Variants in PLSCR2 observed in about 807,000 individuals in gnomAD.
PLSCR2 encodes PL scramblase 2.
A neutral mutation model predicts 25.3 loss-of-function variants in PLSCR2; 18 were observed. That is an observed-to-expected ratio of 0.71 (90% CI 0.49 to 1.06). The LOEUF (loss-of-function observed/expected upper bound fraction) is 1.06. Among genes scored for constraint, PLSCR2 ranks in the 50% least tolerant of loss-of-function variants. PLSCR2 has a pLI of 0.00. For missense variants in PLSCR2, 243 were observed against 269.5 expected (o/e 0.90, Z 0.69); for synonymous variants, 88 against 87.3 (o/e 1.01, Z -0.04).
At chr3:146,479,227 A>G (rs1450327566) in intron 1 of PLSCR2, among the ~76,000 whole-genome samples, 2 of 152,196 alleles carry the variant, frequency 1.3e-5, no homozygotes, top group Non-Finnish European at 2.9e-5. Context: ...GACAGGATCA[A>G]ATTCACACAT....
chr3:146,402,587 C>T (rs967914110), intron 2 of PLSCR2, among the ~76,000 whole-genome samples: 3 of 152,016 alleles, frequency 2.0e-5, no homozygotes, highest in Non-Finnish European at 4.4e-5. Flanking sequence ...CCTGCCTCAG[C>T]CTCCCGAGTA....
At chr3:146,448,226 A>G (rs1313562596) in intron 6 of PLSCR2, among the ~76,000 whole-genome samples, 1 of 152,162 alleles carries the variant, frequency 6.6e-6, no homozygotes, top group African/African-American at 2.4e-5. Flanking sequence ...AATTCCTGCA[A>G]TGGGGATAAT....
At chr3:146,469,609 G>A in intron 1 of PLSCR2, 48 bp from the exon 1 acceptor site, 5 of 980,698 alleles carry the variant, frequency 5.1e-6, no homozygotes, top group Non-Finnish European at 4.8e-6. Flanking sequence ...CCCGGAAGTC[G>A]GCGGAAAAGG....
At chr3:146,393,804 G>T (rs62272150) in intron 3 of PLSCR2, among the ~76,000 whole-genome samples, 69,597 of 138,378 alleles carry the variant, frequency 0.5, 17,888 homozygotes, top group South Asian at 0.71. Flanking sequence ...CAGAGACTCC[G>T]TCTCAAAAAA....
chr3:146,475,997 C>T (rs181207390), intron 1 of PLSCR2, among the ~76,000 whole-genome samples: 17 of 152,202 alleles, frequency 1.1e-4, no homozygotes, highest in Admixed American at 1.0e-3. Flanking sequence ...TCAGCTTCTT[C>T]TATGCCCCAA....
At chr3:146,396,471 G>C (rs2038277018) in intron 2 of PLSCR2, among the ~76,000 whole-genome samples, 1 of 152,122 alleles carries the variant, frequency 6.6e-6, no homozygotes, top group African/African-American at 2.4e-5. Flanking sequence ...AGGGCCATAA[G>C]GGAAGGGTAG....
chr3:146,476,128 C>A (rs761211983), intron 1 of PLSCR2, among the ~76,000 whole-genome samples: 1 of 144,692 alleles, frequency 6.9e-6, no homozygotes, highest in Non-Finnish European at 1.5e-5. Flanking sequence ...CAAGAAGCAG[C>A]TGCAATCAAA....
At chr3:146,412,072 T>C (rs149447998) in intron 2 of PLSCR2, among the ~76,000 whole-genome samples, 55 of 151,932 alleles carry the variant, frequency 3.6e-4, no homozygotes, top group African/African-American at 1.1e-3. Flanking sequence ...AAGGGAGAGT[T>C]AATTCAGGTG....
chr3:146,481,774 C>G (rs1278047231), intron 1 of PLSCR2, among the ~76,000 whole-genome samples: 2 of 152,158 alleles, frequency 1.3e-5, no homozygotes, highest in African/African-American at 4.8e-5. Context: ...ATTGTGAAGA[C>G]AATCCTAAGC....
intron 1 of PLSCR2, among the ~76,000 whole-genome samples, chr3:146,483,441 ATACACATG>A (rs2043205986): frequency 1.6e-5 from 1 of 63,620 alleles, no homozygotes. Context: ...ATATATATAT[ATACACATG>A]TATGTATATA....
chr3:146,460,352 T>TGTAAA (rs2041495936), exon 1 of PLSCR2: 5 of 367,232 alleles, frequency 1.4e-5, no homozygotes, highest in Non-Finnish European at 2.1e-5. Context: ...TATGCTTTTA[T>TGTAAA]ACCTGTGAAA....
chr3:146,473,816 A>C (rs2042198027), intron 1 of PLSCR2, among the ~76,000 whole-genome samples: 1 of 152,208 alleles, frequency 6.6e-6, no homozygotes, highest in Non-Finnish European at 1.5e-5. Context: ...ACGGGGCTTG[A>C]GAATTTGCTT....
chr3:146,409,442 G>GT (rs2038771698), intron 2 of PLSCR2, among the ~76,000 whole-genome samples: 1 of 152,122 alleles, frequency 6.6e-6, no homozygotes, highest in South Asian at 2.1e-4. Context: ...GACTTTGGAG[G>GT]TAGAATTATG....
chr3:146,441,616 A>T (rs1473729736), downstream of PLSCR2: 2 of 445,782 alleles, frequency 4.5e-6, no homozygotes, highest in African/African-American at 4.1e-5. Context: ...TGAAAAGTGA[A>T]ATTATATACT....
At chr3:146,465,607 C>T (rs1043799608) in intron 1 of PLSCR2, among the ~76,000 whole-genome samples, 4 of 151,112 alleles carry the variant, frequency 2.6e-5, no homozygotes, top group African/African-American at 7.3e-5. Context: ...TAAAACAGTT[C>T]ATATTCTTCT....
At chr3:146,469,601 C>A in intron 1 of PLSCR2, 40 bp from the exon 1 acceptor site, 3 of 984,456 alleles carry the variant, frequency 3.0e-6, no homozygotes, top group Non-Finnish European at 3.6e-6. Context: ...ACAGCCCTCC[C>A]GGAAGTCGGC....
intron 2 of PLSCR2, among the ~76,000 whole-genome samples, chr3:146,408,934 C>T (rs1490745277): frequency 6.6e-6 from 1 of 152,008 alleles, no homozygotes; most frequent in Non-Finnish European, 1.5e-5. Flanking sequence ...GCTTCCTCCT[C>T]CAGTCTATTG....
intron 8 of PLSCR2, among the ~76,000 whole-genome samples, chr3:146,436,134 C>A (rs1336719643): frequency 6.6e-6 from 1 of 152,030 alleles, no homozygotes; most frequent in African/African-American, 2.4e-5. Flanking sequence ...TGGTCTATAT[C>A]TCTGTTTTGG....
downstream of PLSCR2, among the ~76,000 whole-genome samples, chr3:146,439,366 G>A (rs947423397): frequency 6.6e-5 from 10 of 152,198 alleles, no homozygotes; most frequent in Admixed American, 3.9e-4. Flanking sequence ...ATCCTGAAGT[G>A]TGTTTTCCAA....
Sources: allele counts gnomAD v4.1 joint callset (sites outside exome capture counted in the v4.1 genomes callset), GRCh38; gene constraint gnomAD v4.1.1; transcripts MANE v1.5; gene names NCBI Gene and HGNC (gene_info 2026-07-23, HGNC 2026-07-21).